The following ZNF362 variants were observed in gnomAD, a reference collection of about 807,000 sequenced individuals.
ZNF362 encodes rotund homolog.
ZNF362 carries 11 observed loss-of-function variants against 42.9 expected under a neutral mutation model. The observed-to-expected ratio is 0.26, with a 90% confidence interval of 0.16 to 0.42. ZNF362 has a LOEUF of 0.42. Among genes scored for constraint, ZNF362 ranks in the 20% least tolerant of loss-of-function variants. The pLI is 1.00. For synonymous variants in ZNF362, 255 were observed against 257.3 expected, an observed-to-expected ratio of 0.99 and a Z score of 0.09; for missense variants, 362 against 576.2, an observed-to-expected ratio of 0.63 and a Z score of 3.81.
chr1:33,276,374 G>C lies in ZNF362; in HGVS notation c.129G>C (p.Lys43Asn). The change falls in exon 4 of 9, where the codon AAG becomes AAC. Residue 43 changes from lysine to asparagine, a missense_variant. Transcript: ENST00000539719. ...SQLDNLVLIN[K>N]IKEQLMAEKI... ...TGGACAACCTGGTTCTGATTAACAA[G>C]ATCAAGGAGCAGCTGATGGCCGAGA... 1 of 1,564,702 alleles carries C rather than the reference G, an allele frequency of 6.4e-7. No homozygotes were observed. Among genetic ancestry groups the C allele is most frequent in the Non-Finnish European group, 8.7e-7 (1 of 1,154,448 alleles).
Position 33,300,019 on chromosome 1 carries a change from C to G in ZNF362, c.*973C>G, listed in dbSNP as rs988404108. On this transcript the variant is annotated 3_prime_UTR_variant, in exon 9 of 9. Transcript: ENST00000539719. ...TAGGCCCCTCAGCAGGGAAGGGATC[C>G]CCGGGGAGGCAGGTCCCAGGAGCAG... 1 of 152,566 alleles carries G rather than the reference C, an allele frequency of 6.6e-6. No homozygotes were observed. Among genetic ancestry groups the G allele is most frequent in the African/African-American group, 2.4e-5 (1 of 41,398 alleles). The allele number at this position is 152,566 out of a possible 1,614,324, so 9.5% of individuals were successfully genotyped here. A position where few individuals can be genotyped will look rare whatever the true frequency, so the allele number is the denominator to read the frequency against.
the ZNF362 span, among the ~76,000 whole-genome samples, chr1:33,152,383 T>C: frequency 2.0e-5 from 3 of 152,090 alleles, no homozygotes; most frequent in Non-Finnish European, 2.9e-5. Flanking sequence ...CTGGCCAACA[T>C]GTAGAAACCC....
chr1:33,232,556 C>T, the ZNF362 span, among the ~76,000 whole-genome samples: 27 of 152,256 alleles, frequency 1.8e-4, no homozygotes, highest in African/African-American at 5.5e-4. Flanking sequence ...CCACCGCGCC[C>T]GGCCAGAAAT....
chr1:33,191,184 A>G, the ZNF362 span, among the ~76,000 whole-genome samples: 7 of 152,200 alleles, frequency 4.6e-5, no homozygotes, highest in African/African-American at 1.4e-4. Flanking sequence ...CCTACTTAAT[A>G]ATTTTATACC....
chr1:33,275,688 C>T (rs1645938986), intron 2 of ZNF362, among the ~76,000 whole-genome samples: 1 of 152,160 alleles, frequency 6.6e-6, no homozygotes, highest in Non-Finnish European at 1.5e-5. Flanking sequence ...TGGGCATTTA[C>T]AAATTTGCTG....
At chr1:33,201,418 T>G in the ZNF362 span, among the ~76,000 whole-genome samples, 50 of 152,124 alleles carry the variant, frequency 3.3e-4, no homozygotes. Flanking sequence ...TAAATTTAAA[T>G]GAACTCAAGT....
the ZNF362 span, among the ~76,000 whole-genome samples, chr1:33,182,694 G>C: frequency 2.0e-5 from 3 of 152,030 alleles, no homozygotes; most frequent in African/African-American, 7.3e-5. Flanking sequence ...AACTTGTCTT[G>C]TGTGCCAGAT....
In ZNF362 at chr1:33,281,023, C is replaced by T. The variant is rs1317891436; in HGVS notation, c.684-564C>T. On this transcript the variant is annotated intron_variant, in intron 5 of 8. Coordinates refer to ENST00000539719, the MANE Select transcript of ZNF362 (RefSeq NM_152493.3). This position sits in a 1 kb window ranked among gnomAD's most constrained non-coding sequence, Gnocchi z 4.8. ...GGCAGAGGCTGCAGTGAGCCGAGGT[C>T]GGGCCACTGCACTCCAACCTGGGTG... Among the ~76,000 whole-genome samples the T allele has an allele frequency of 3.3e-5, 5 of 151,976 alleles. No homozygotes were observed. The highest frequency in any genetic ancestry group is 9.7e-5 in the African/African-American group (4 of 41,340).
At chr1:33,140,476 A>G in the ZNF362 span, among the ~76,000 whole-genome samples, 1 of 152,288 alleles carries the variant, frequency 6.6e-6, no homozygotes. The surrounding 1 kb of genome is among the most constrained non-coding windows in gnomAD (Gnocchi z 4.0). Flanking sequence ...GGTATGTGGT[A>G]AGCAGAGGAA....
At chr1:33,261,474 A>G (rs1298435187) in intron 1 of ZNF362, 3 of 152,130 alleles carry the variant, frequency 2.0e-5, no homozygotes, top group Non-Finnish European at 4.4e-5. Flanking sequence ...AGAAAGGCAG[A>G]CAGCCTTGAG....
At chr1:33,144,418 A>C in the ZNF362 span, among the ~76,000 whole-genome samples, 117 of 152,324 alleles carry the variant, frequency 7.7e-4, 1 homozygote, top group African/African-American at 2.6e-3. Context: ...GATTACAGGC[A>C]TGAGCCACTG....
At chr1:33,172,714 T>TG in the ZNF362 span, among the ~76,000 whole-genome samples, 7 of 151,968 alleles carry the variant, frequency 4.6e-5, no homozygotes, top group Non-Finnish European at 2.9e-5. Context: ...ACAGAGGAGT[T>TG]GGGGGGCACA....
the ZNF362 span, among the ~76,000 whole-genome samples, chr1:33,225,366 T>C: frequency 6.6e-6 from 1 of 152,196 alleles, no homozygotes; most frequent in Non-Finnish European, 1.5e-5. Context: ...TACTTACTTA[T>C]ACTTTTTGTG....
At chr1:33,147,439 A>G in the ZNF362 span, 2 of 1,613,964 alleles carry the variant, frequency 1.2e-6, no homozygotes, top group Non-Finnish European at 1.7e-6. This position sits in a 1 kb window ranked among gnomAD's most constrained non-coding sequence, Gnocchi z 8.1. Flanking sequence ...GTGCATCACG[A>G]TGCAGTAGAA....
At chr1:33,216,312 GA>G in the ZNF362 span, among the ~76,000 whole-genome samples, 2 of 135,950 alleles carry the variant, frequency 1.5e-5, no homozygotes, top group Non-Finnish European at 3.2e-5. Flanking sequence ...TTAAGAAACA[GA>G]AAAAAGGGCC....
the ZNF362 span, among the ~76,000 whole-genome samples, chr1:33,202,981 C>CT: frequency 6.6e-6 from 1 of 152,068 alleles, no homozygotes; most frequent in African/African-American, 2.4e-5. Flanking sequence ...TACTCCTTTC[C>CT]TTTTGTGGGA....
the ZNF362 span, among the ~76,000 whole-genome samples, chr1:33,249,524 C>G: frequency 8.5e-5 from 13 of 152,132 alleles, no homozygotes; most frequent in Non-Finnish European, 1.3e-4. Context: ...AGAGTCTCCC[C>G]AGAGAAAGTG....
chr1:33,280,422 C>T lies in ZNF362; in HGVS notation c.648C>T (p.Ala216=), dbSNP rs779626112. ...PVLVVPYPIL[A]SGETAKEGKT... ...TTGTAGTCCCCTATCCCATCCTGGC[C>T]TCGGGCGAGACTGCCAAGGAGGGCA... Residue 216 remains alanine (A), a synonymous_variant, in exon 5 of 9, where the codon GCC becomes GCT. Transcript: ENST00000539719. The surrounding 1 kb of genome is among the most constrained non-coding windows in gnomAD (Gnocchi z 5.6). 1 of 1,609,912 alleles carries T rather than the reference C, an allele frequency of 6.2e-7. No individual in the cohort carries two copies. Among genetic ancestry groups the T allele is most frequent in the African/African-American group, 1.3e-5 (1 of 74,932 alleles).
chr1:33,158,146 A>G, the ZNF362 span: 1 of 977,420 alleles, frequency 1.0e-6, no homozygotes, highest in African/African-American at 1.6e-5. Flanking sequence ...TCAGCAAGGC[A>G]CTCTGCTCAT....
Sources: gnomAD v4.1 joint callset for allele counts (sites outside exome capture counted in the v4.1 genomes callset) on GRCh38, gnomAD v4.1.1 for gene constraint, Gnocchi (gnomAD v3.1) non-coding constraint, MANE v1.5 for transcripts, NCBI Gene and HGNC (gene_info 2026-07-23, HGNC 2026-07-21) for gene names.